Variants in INPP4A observed in about 807,000 individuals in gnomAD.
The protein encoded by INPP4A is inositol polyphosphate-4-phosphatase type I A.
In INPP4A, 33 loss-of-function variants were observed where a neutral mutation model predicts 119.8. That is an observed-to-expected ratio of 0.28 (90% CI 0.21 to 0.37). The LOEUF is 0.37. Ranked by LOEUF, INPP4A falls within the 10% of genes least tolerant of loss-of-function variation. The probability of loss-of-function intolerance (pLI) is 1.00; values close to 1 mark genes in which losing one functional copy is unlikely to be tolerated. For missense variants in INPP4A, 956 were observed against 1,289.9 expected (o/e 0.74, Z 3.97); for synonymous variants, 496 against 500.7 (o/e 0.99, Z 0.12).
chr2:98,461,277 G>A (rs1697106981), intron 1 of INPP4A, among the ~76,000 whole-genome samples: 1 of 152,228 alleles, frequency 6.6e-6, no homozygotes, highest in Non-Finnish European at 1.5e-5. Context: ...GGCAGAGGAG[G>A]CAAACAGAGT....
At chr2:98,522,194 G>C (rs1207680269) in intron 4 of INPP4A, among the ~76,000 whole-genome samples, 1 of 151,868 alleles carries the variant, frequency 6.6e-6, no homozygotes, top group Non-Finnish European at 1.5e-5. Context: ...GGCTGAAGCA[G>C]GGGAATCGCT....
chr2:98,504,798 A>G (rs967502742), intron 1 of INPP4A, among the ~76,000 whole-genome samples: 1 of 152,230 alleles, frequency 6.6e-6, no homozygotes, highest in Non-Finnish European at 1.5e-5. Context: ...GAAGCACGTT[A>G]TTATTAACTT....
chr2:98,563,515 G>T lies in INPP4A; in HGVS notation c.1906G>T (p.Val636Leu). The T allele has an allele frequency of 6.2e-7, 1 of 1,613,838 alleles. No individual in the cohort carries two copies. Among genetic ancestry groups the T allele is most frequent in the Non-Finnish European group, 8.5e-7 (1 of 1,179,822 alleles). The stretch of plus-strand genomic sequence containing the variant: ...GCTGCTGACCACTCTCACCGACTGC[G>T]TGGCCATGATGAGTGACAAGGCCAA... ...YPLLTTLTDC[V>L]AMMSDKAKKA... The change falls in exon 18 of 25, where the codon GTG (valine) becomes TTG (leucine). Residue 636 changes from valine to leucine, a missense_variant. Val to Leu is a conservative substitution (Grantham distance 32). Around this residue, in one of 2 missense-constraint regions of INPP4A, gnomAD observed 304 missense variants for 492.1 expected, o/e 0.62. Transcript: ENST00000409851.
chr2:98,492,176 ACC>A (rs1680945044), intron 1 of INPP4A, among the ~76,000 whole-genome samples: 1 of 152,178 alleles, frequency 6.6e-6, no homozygotes, highest in Non-Finnish European at 1.5e-5. Flanking sequence ...GGTGTGAGCC[ACC>A]GACAACTGCA....
At chr2:98,520,587 G>C in intron 3 of INPP4A, 100 bp from the exon 4 acceptor site, 1 of 744,566 alleles carries the variant, frequency 1.3e-6, no homozygotes, top group Middle Eastern at 3.1e-4. Flanking sequence ...GGCAGTTTTT[G>C]TTGTTGTTGG....
At chr2:98,513,172 C>T (rs1398970547) in intron 1 of INPP4A, among the ~76,000 whole-genome samples, 2 of 152,092 alleles carry the variant, frequency 1.3e-5, no homozygotes, top group East Asian at 3.9e-4. Flanking sequence ...GTAGGCCCAA[C>T]TCCTCCTGCA....
chr2:98,491,749 A>G (rs889319242), intron 1 of INPP4A, among the ~76,000 whole-genome samples: 1 of 152,280 alleles, frequency 6.6e-6, no homozygotes, highest in East Asian at 1.9e-4. Context: ...GCAGGGTTGG[A>G]TCTGTACAGC....
rs1696575488 is a variant in INPP4A at position 98,566,961 on chromosome 2, CT to C, written c.2420+793del. Reference sequence around the variant, plus strand: ...GTTTCCAGAACAATATGCCGTGTTCCTGCTGGGCCTTCTGATGTCCAACCCC... The same window carrying C: ...GTTTCCAGAACAATATGCCGTGTTCCGCTGGGCCTTCTGATGTCCAACCCC... On this transcript the variant is annotated intron_variant, in intron 21 of 24. Transcript: ENST00000409851. This position sits in a 1 kb window ranked among gnomAD's most constrained non-coding sequence, Gnocchi z 4.2. Among the ~76,000 whole-genome samples, 1 of 152,198 alleles carries C rather than the reference CT, an allele frequency of 6.6e-6. No individual in the cohort carries two copies. Among genetic ancestry groups the C allele is most frequent in the Non-Finnish European group, 1.5e-5 (1 of 68,042 alleles).
intron 4 of INPP4A, among the ~76,000 whole-genome samples, chr2:98,523,226 TCCTC>T (rs1409480119): frequency 6.6e-6 from 1 of 152,168 alleles, no homozygotes; most frequent in Non-Finnish European, 1.5e-5. Context: ...GAGTTAAAAA[TCCTC>T]ATCCGCCTAT....
At chr2:98,447,696 G>T (rs991780531) in intron 1 of INPP4A, among the ~76,000 whole-genome samples, 13 of 152,124 alleles carry the variant, frequency 8.5e-5, no homozygotes, top group African/African-American at 2.9e-4. Flanking sequence ...ACTTTTTCCT[G>T]AACTGCTTAA....
At chr2:98,459,564 A>G (rs992805811) in intron 1 of INPP4A, among the ~76,000 whole-genome samples, 2 of 152,216 alleles carry the variant, frequency 1.3e-5, no homozygotes, top group Non-Finnish European at 2.9e-5. Context: ...TGCATGCTAC[A>G]GGGGCATTGT....
intron 1 of INPP4A, among the ~76,000 whole-genome samples, chr2:98,497,331 C>A (rs1208078671): frequency 1.3e-5 from 2 of 152,206 alleles, no homozygotes; most frequent in African/African-American, 4.8e-5. Context: ...TAGGGCAGTG[C>A]AGAAGGGAAA....
chr2:98,456,539 G>A (rs1466107209), intron 1 of INPP4A, among the ~76,000 whole-genome samples: 1 of 152,002 alleles, frequency 6.6e-6, no homozygotes, highest in Admixed American at 6.6e-5. Context: ...GGGTCTTGTT[G>A]TGTTGCTCAG....
At chr2:98,469,369 C>T (rs1227388905) in intron 1 of INPP4A, among the ~76,000 whole-genome samples, 1 of 152,040 alleles carries the variant, frequency 6.6e-6, no homozygotes, top group Non-Finnish European at 1.5e-5. Flanking sequence ...TGGTGGCTGG[C>T]ATGCGCCTGT....
At chr2:98,469,805 A>AAACAAC (rs370539312) in intron 1 of INPP4A, among the ~76,000 whole-genome samples, 3 of 152,070 alleles carry the variant, frequency 2.0e-5, no homozygotes, top group African/African-American at 4.8e-5. Context: ...ATTCCGTCTC[A>AAACAAC]AACAACAACA....
chr2:98,544,903 C>T lies in INPP4A; in HGVS notation c.949+896C>T, dbSNP rs372866790. Among the ~76,000 whole-genome samples, 50 of 152,302 alleles carry T rather than the reference C, an allele frequency of 3.3e-4. 1 individual carries two copies. The South Asian group carries it at 5.8e-3, about 18-fold the overall frequency. The stretch of plus-strand genomic sequence containing the variant: ...GGTCTGAGTATGTCACTAGGAGAAA[C>T]GGCAACATTTGCCCAGGAAGGAACC... On this transcript the variant is annotated intron_variant, in intron 11 of 24. Transcript: ENST00000409851.
chr2:98,489,106 AAG>A (rs1476139231), intron 1 of INPP4A, among the ~76,000 whole-genome samples: 2 of 152,000 alleles, frequency 1.3e-5, no homozygotes, highest in African/African-American at 2.4e-5. Context: ...GAGAGTCTCA[AAG>A]AGGGGACAGA....
chr2:98,589,420 T>TA lies in INPP4A; in HGVS notation c.*1817dup. ...ACTTTTAAAAAATCTCCTTGCTTTT[T>TA]AAAAATAAATATTACCCACATAGTT... On this transcript the variant is annotated 3_prime_UTR_variant, in exon 25 of 25. Transcript: ENST00000409851. 1 of 183,414 alleles carries TA rather than the reference T, an allele frequency of 5.5e-6. No individual in the cohort carries two copies. Among genetic ancestry groups the TA allele is most frequent in the East Asian group, 8.9e-5 (1 of 11,226 alleles). 11.4% of individuals were successfully genotyped at this position (183,414 alleles called of 1,614,324 possible).
intron 24 of INPP4A, among the ~76,000 whole-genome samples, chr2:98,586,224 A>G (rs1699933086): frequency 6.6e-6 from 1 of 152,194 alleles, no homozygotes; most frequent in South Asian, 2.1e-4. Flanking sequence ...TTTCTAAACT[A>G]TCGGAGCTTA....
Sources: allele counts gnomAD v4.1 joint callset (sites outside exome capture counted in the v4.1 genomes callset), GRCh38; gene constraint gnomAD v4.1.1; regional missense constraint gnomAD v4.1.1; non-coding constraint Gnocchi (gnomAD v3.1); transcripts MANE v1.5; gene names NCBI Gene and HGNC (gene_info 2026-07-23, HGNC 2026-07-21).